Variants in HHIPL1 observed in about 807,000 individuals in gnomAD.
HHIPL1 encodes the protein HHIP like 1.
A neutral mutation model predicts 61.8 loss-of-function variants in HHIPL1; 43 were observed. The observed-to-expected ratio is 0.70, with a 90% confidence interval of 0.55 to 0.90. HHIPL1 has a LOEUF of 0.90. Ranked by LOEUF, HHIPL1 falls within the 40% of genes least tolerant of loss-of-function variation. HHIPL1 has a pLI of 0.00. For synonymous variants in HHIPL1, 482 were observed against 515.8 expected, an observed-to-expected ratio of 0.93 and a Z score of 0.89; for missense variants, 1,056 against 1,157.7, an observed-to-expected ratio of 0.91 and a Z score of 1.28.
At chr14:99,611,497 G>A in the HHIPL1 span, among the ~76,000 whole-genome samples, 24 of 151,952 alleles carry the variant, frequency 1.6e-4, no homozygotes, top group African/African-American at 5.8e-4. Context: ...TGTTGGTCAG[G>A]CTGGTCTCGA....
chr14:99,671,226 G>A (rs1170178928), intron 7 of HHIPL1, among the ~76,000 whole-genome samples: 3 of 152,220 alleles, frequency 2.0e-5, no homozygotes, highest in Non-Finnish European at 4.4e-5. Flanking sequence ...CAGGTCATCT[G>A]TTACTACCCA....
intron 3 of HHIPL1, among the ~76,000 whole-genome samples, chr14:99,657,750 AAC>A (rs199766756): frequency 8.7e-5 from 13 of 149,660 alleles, no homozygotes; most frequent in East Asian, 7.8e-4. Flanking sequence ...TACACACACA[AAC>A]ACACATACAC....
chr14:99,640,877 C>CTTTTTTTTTTT (rs59137552), upstream of HHIPL1, among the ~76,000 whole-genome samples: 51 of 69,872 alleles, frequency 7.3e-4, 2 homozygotes, highest in Middle Eastern at 0.015. Context: ...ACTTCTTCTT[C>CTTTTTTTTTTT]TTTTTTTTTT....
intron 1 of HHIPL1, among the ~76,000 whole-genome samples, chr14:99,646,832 GATATAATATAATATAATATA>G (rs1186393743): frequency 3.5e-5 from 4 of 115,010 alleles, no homozygotes; most frequent in African/African-American, 1.3e-4. Flanking sequence ...GATATGATAT[GATATAATATAATATAATATA>G]ATATAATATG....
Position 99,652,316 on chromosome 14 carries a change from G to A in HHIPL1, c.348G>A (p.Leu116=). The change falls in exon 2 of 9, where the codon CTG becomes CTA. Residue 116 remains leucine, a synonymous_variant. Transcript: ENST00000330710. ...TVPGLCQDYC[L]DMWHKCRGLF... is the part of the protein sequence containing the mutation. The stretch of plus-strand genomic sequence containing the variant: ...CCGGGCTCTGCCAGGATTACTGCCT[G>A]GACATGTGGCATAAGTGCCGGGGGC... The A allele has an allele frequency of 6.2e-7, 1 of 1,614,112 alleles. No homozygotes were observed. The highest frequency in any genetic ancestry group is 1.1e-5 in the South Asian group (1 of 91,078).
chr14:99,637,032 A>AAGG, the HHIPL1 span, among the ~76,000 whole-genome samples: 1 of 130,768 alleles, frequency 7.6e-6, no homozygotes, highest in African/African-American at 2.9e-5. Context: ...AGAAAGAAAG[A>AAGG]AAGAAAGAAA....
At chr14:99,650,967 G>C (rs1329829372) in intron 1 of HHIPL1, among the ~76,000 whole-genome samples, 1 of 145,808 alleles carries the variant, frequency 6.9e-6, no homozygotes, top group Non-Finnish European at 1.6e-5. Flanking sequence ...AGAAATACCT[G>C]GCTGGGTGCA....
the HHIPL1 span, among the ~76,000 whole-genome samples, chr14:99,621,482 C>T: frequency 2.0e-5 from 3 of 152,130 alleles, no homozygotes; most frequent in African/African-American, 7.2e-5. Context: ...TGGGTTACAC[C>T]AACCCCAGCT....
At chr14:99,631,982 G>T in the HHIPL1 span, among the ~76,000 whole-genome samples, 1 of 152,200 alleles carries the variant, frequency 6.6e-6, no homozygotes, top group Non-Finnish European at 1.5e-5. Flanking sequence ...CTTGGGATGG[G>T]GGCCTGGGAC....
upstream of HHIPL1, among the ~76,000 whole-genome samples, chr14:99,641,048 A>G (rs995333627): frequency 6.6e-6 from 1 of 151,096 alleles, no homozygotes; most frequent in African/African-American, 2.4e-5. Flanking sequence ...CACCACACCC[A>G]GCTAATTTTT....
intron 3 of HHIPL1, 58 bp downstream of exon 3, chr14:99,657,201 A>G: frequency 6.4e-7 from 1 of 1,568,586 alleles, no homozygotes; most frequent in Non-Finnish European, 8.7e-7. Context: ...GGCTTCTCAT[A>G]CTCTTCCAGA....
rs541028749 is a variant in HHIPL1 at position 99,678,261 on chromosome 14, C to T, written c.*2635C>T. The T allele has an allele frequency of 2.0e-5, 3 of 152,372 alleles. No individual in the cohort carries two copies. In the East Asian group the frequency reaches 5.8e-4, roughly 29 times the overall value. The allele number at this position is 152,372 out of a possible 1,614,324, so 9.4% of individuals were successfully genotyped here. A position where few individuals can be genotyped will look rare whatever the true frequency, so the allele number is the denominator to read the frequency against. ...GTGGCCCGGTTCCTAACAGGCCACC[C>T]ATCAGTACTGGTCCGTGGCCCAGGG... On this transcript the variant is annotated 3_prime_UTR_variant, in exon 9 of 9. Transcript: ENST00000330710.
rs371081266 is a variant in HHIPL1, at chr14:99,650,403, G to C, written c.256-1821G>C. On this transcript the variant is annotated intron_variant, in intron 1 of 8. Coordinates refer to ENST00000330710, the MANE Select transcript of HHIPL1 (RefSeq NM_001127258.3). ...GGCTTGGCCTGGTGGACTCACAGGT[G>C]GGGGAGGGTGTCAGTCACAGATAGA... 3.3e-5 allele frequency among the ~76,000 whole-genome samples: 5 copies of C among 152,352 alleles called. No homozygotes were observed. The East Asian group carries it at 7.7e-4, about 24-fold the overall frequency.
At chr14:99,628,581 C>CAA in the HHIPL1 span, among the ~76,000 whole-genome samples, 135 of 53,576 alleles carry the variant, frequency 2.5e-3, 2 homozygotes, top group Middle Eastern at 8.3e-3. Flanking sequence ...AACTCCAACT[C>CAA]AAAAAAAAAA....
Position 99,675,970 on chromosome 14 carries a change from C to T in HHIPL1, c.*344C>T, listed in dbSNP as rs1052393279. Reference sequence around the variant, plus strand: ...AGCCAGGCTTCGAGGACGGACATGGCCCCTGGCTGTGCTAACAGAGGCACA... The same window carrying T: ...AGCCAGGCTTCGAGGACGGACATGGTCCCTGGCTGTGCTAACAGAGGCACA... On this transcript the variant is annotated 3_prime_UTR_variant, in exon 9 of 9. Coordinates refer to ENST00000330710, the MANE Select transcript of HHIPL1 (RefSeq NM_001127258.3). The surrounding 1 kb of genome is among the most constrained non-coding windows in gnomAD (Gnocchi z 5.4). 1.4e-5 allele frequency: 4 copies of T among 281,582 alleles called. 1 individual carries two copies. The highest frequency in any genetic ancestry group is 6.2e-5 in the East Asian group (1 of 16,072). 17.4% of individuals were successfully genotyped at this position (281,582 alleles called of 1,614,324 possible).
intron 7 of HHIPL1, among the ~76,000 whole-genome samples, chr14:99,671,155 C>G (rs114069608): frequency 5.3e-5 from 8 of 152,302 alleles, no homozygotes; most frequent in African/African-American, 1.9e-4. Context: ...ACATATTACA[C>G]AGAGGTCCCA....
At position 99,668,839 on chromosome 14, in the gene HHIPL1, G is replaced by T. The variant is rs765887537; in HGVS notation, c.1730+536G>T. The T allele has an allele frequency of 3.1e-6, 5 of 1,613,690 alleles. No homozygotes were observed. In the South Asian group the frequency reaches 5.5e-5, roughly 18 times the overall value. ...CCCCGGCTTCCCTTCTAGCTGTAAG[G>T]CCAGAAGCGCCATGCCCGGCTATGT... On this transcript the variant is annotated intron_variant, in intron 7 of 8. Transcript: ENST00000330710. This position sits in a 1 kb window ranked among gnomAD's most constrained non-coding sequence, Gnocchi z 4.7.
the HHIPL1 span, among the ~76,000 whole-genome samples, chr14:99,606,914 C>A: frequency 6.6e-6 from 1 of 152,156 alleles, no homozygotes; most frequent in Non-Finnish European, 1.5e-5. Flanking sequence ...AGGCCAGAGC[C>A]CCCTCCCGGA....
chr14:99,653,736 C>G (rs2055979227), intron 2 of HHIPL1, among the ~76,000 whole-genome samples: 1 of 152,226 alleles, frequency 6.6e-6, no homozygotes, highest in African/African-American at 2.4e-5. Context: ...AGCCTGCACT[C>G]TGTGGATGAT....
Sources: allele counts gnomAD v4.1 joint callset (sites outside exome capture counted in the v4.1 genomes callset), GRCh38; gene constraint gnomAD v4.1.1; non-coding constraint Gnocchi (gnomAD v3.1); transcripts MANE v1.5; gene names NCBI Gene and HGNC (gene_info 2026-07-23, HGNC 2026-07-21).